CCDC33: variants seen among roughly 807,000 people sequenced by gnomAD.
The protein encoded by CCDC33 is coiled-coil domain-containing protein 33.
In CCDC33, 94 loss-of-function variants were observed where a neutral mutation model predicts 91.9. The ratio of observed to expected loss-of-function variants is 1.02; its 90% CI spans 0.87 to 1.21. The LOEUF is 1.21. Ranked by LOEUF, CCDC33 falls within the 50% of genes most tolerant of loss-of-function variation. CCDC33 has a pLI of 0.00. For missense variants in CCDC33, 940 were observed against 935.5 expected (o/e 1.00, Z -0.06); for synonymous variants, 396 against 374.5 (o/e 1.06, Z -0.66).
intron 5 of CCDC33, among the ~76,000 whole-genome samples, chr15:74,269,539 CA>C (rs1474879891): frequency 6.6e-6 from 1 of 152,176 alleles, no homozygotes; most frequent in Non-Finnish European, 1.5e-5. Flanking sequence ...GGACAGCCAG[CA>C]ATTCACACAC....
chr15:74,229,550 G>A (rs1275984248), intron 2 of CCDC33, among the ~76,000 whole-genome samples: 1 of 152,208 alleles, frequency 6.6e-6, no homozygotes, highest in Non-Finnish European at 1.5e-5. Context: ...TACCTCATAT[G>A]TCATTGTGAG....
intron 1 of CCDC33, among the ~76,000 whole-genome samples, chr15:74,205,264 G>A (rs1274850155): frequency 6.6e-6 from 1 of 152,198 alleles, no homozygotes; most frequent in Admixed American, 6.5e-5. Flanking sequence ...AGGAAAACCT[G>A]ACTCTGGGTA....
rs546364271 is a variant in CCDC33 at position 74,252,478 on chromosome 15, C to T, written c.185+8330C>T. Among the ~76,000 whole-genome samples the T allele has an allele frequency of 3.9e-5, 6 of 152,328 alleles. No individual in the cohort carries two copies. The South Asian group carries it at 8.3e-4, about 21-fold the overall frequency. ...CAGCCCTCACTTGCTGATGATGTTC[C>T]ACTCGAAGCTCACTGCGAGCTCGGC... On this transcript the variant is annotated intron_variant, in intron 2 of 18. Transcript: ENST00000398814.
chr15:74,284,658 A>T (rs1446228258), intron 10 of CCDC33, among the ~76,000 whole-genome samples: 2 of 152,096 alleles, frequency 1.3e-5, no homozygotes, highest in Non-Finnish European at 2.9e-5. Flanking sequence ...ACAGACAATA[A>T]AAAAATAATT....
At chr15:74,254,784 G>A (rs1595952696) in intron 2 of CCDC33, among the ~76,000 whole-genome samples, 2 of 111,504 alleles carry the variant, frequency 1.8e-5, no homozygotes, top group South Asian at 2.9e-4. Context: ...TTTCACTCTT[G>A]TCACCCAGGC....
intron 2 of CCDC33, among the ~76,000 whole-genome samples, chr15:74,257,359 TG>T (rs761791471): frequency 1.7e-4 from 26 of 152,146 alleles, no homozygotes; most frequent in Non-Finnish European, 3.2e-4. Context: ...TCAAGGCTGT[TG>T]TCTGGTGAAG....
intron 2 of CCDC33, among the ~76,000 whole-genome samples, chr15:74,229,408 G>A (rs1291379960): frequency 6.6e-6 from 1 of 152,134 alleles, no homozygotes; most frequent in African/African-American, 2.4e-5. Context: ...CGGGGGAATC[G>A]CTTGAACTTG....
intron 2 of CCDC33, among the ~76,000 whole-genome samples, chr15:74,251,966 C>T (rs921896773): frequency 5.9e-5 from 9 of 152,056 alleles, no homozygotes; most frequent in Non-Finnish European, 1.0e-4. Context: ...TAATCGCCAC[C>T]CAGTCCTATA....
intron 2 of CCDC33, among the ~76,000 whole-genome samples, chr15:74,250,171 G>A (rs576206907): frequency 1.4e-3 from 206 of 152,180 alleles, no homozygotes; most frequent in Non-Finnish European, 2.4e-3. Context: ...TTAGGCCACC[G>A]CACTATTTCT....
At chr15:74,314,408 C>T (rs372109294) in intron 11 of CCDC33, among the ~76,000 whole-genome samples, 1 of 152,238 alleles carries the variant, frequency 6.6e-6, no homozygotes, top group Non-Finnish European at 1.5e-5. Context: ...GTGCTCACCC[C>T]TCCCCTAGAG....
At position 74,272,893 on chromosome 15, in the gene CCDC33, T is replaced by C. The variant is rs2076358358; in HGVS notation, c.759+2T>C. 1 of 1,614,174 alleles carries C rather than the reference T, an allele frequency of 6.2e-7. No individual in the cohort carries two copies. On this transcript the variant is annotated splice_donor_variant, in intron 7 of 18. Transcript: ENST00000398814. LOFTEE classifies it high-confidence loss of function. ...GTCAGCCAGAACGGATGCCCTCAGG[T>C]ATGTCTCCTCCCCAGTGGTTCCAGC...
chr15:74,226,705 G>A (rs2074807981), intron 2 of CCDC33, among the ~76,000 whole-genome samples: 1 of 152,086 alleles, frequency 6.6e-6, no homozygotes, highest in African/African-American at 2.4e-5. Flanking sequence ...GCATGTGCCT[G>A]TAGTCCCAGC....
intron 1 of CCDC33, chr15:74,209,322 A>T: frequency 1.3e-6 from 2 of 1,494,606 alleles, no homozygotes; most frequent in Non-Finnish European, 1.8e-6. Flanking sequence ...GTTTCCCCAG[A>T]TGTGGCCTTA....
intron 2 of CCDC33, among the ~76,000 whole-genome samples, chr15:74,258,606 G>A (rs191944631): frequency 2.3e-4 from 35 of 152,232 alleles, no homozygotes; most frequent in African/African-American, 7.9e-4. Flanking sequence ...CTTTGTGCAC[G>A]TGCATGTGTG....
At chr15:74,311,247 C>G (rs1392374851) in intron 11 of CCDC33, among the ~76,000 whole-genome samples, 1 of 152,178 alleles carries the variant, frequency 6.6e-6, no homozygotes, top group Non-Finnish European at 1.5e-5. Context: ...GGCTCCTTCC[C>G]CCAGGGAGAG....
At chr15:74,221,943 G>A (rs1263992614) in intron 2 of CCDC33, among the ~76,000 whole-genome samples, 1 of 152,132 alleles carries the variant, frequency 6.6e-6, no homozygotes, top group Admixed American at 6.6e-5. Context: ...TCCTTCCCCG[G>A]GGTAAGGGGG....
At chr15:74,269,845 A>C (rs2076267913) in intron 5 of CCDC33, among the ~76,000 whole-genome samples, 1 of 152,174 alleles carries the variant, frequency 6.6e-6, no homozygotes, top group African/African-American at 2.4e-5. Flanking sequence ...AGGAGCAGGA[A>C]CTTCTGCTAC....
chr15:74,309,201 G>A (rs2059946532), intron 11 of CCDC33, among the ~76,000 whole-genome samples: 1 of 152,170 alleles, frequency 6.6e-6, no homozygotes, highest in Admixed American at 6.5e-5. Flanking sequence ...TCAGCCTGAT[G>A]GGCCCTGGGG....
At chr15:74,258,083 C>A (rs969197357) in intron 2 of CCDC33, among the ~76,000 whole-genome samples, 1 of 152,252 alleles carries the variant, frequency 6.6e-6, no homozygotes, top group Non-Finnish European at 1.5e-5. Flanking sequence ...AGTTCCCTCA[C>A]CTCCCTCTCA....
Sources: allele counts gnomAD v4.1 joint callset (sites outside exome capture counted in the v4.1 genomes callset), GRCh38; gene constraint gnomAD v4.1.1; transcripts MANE v1.5; gene names NCBI Gene and HGNC (gene_info 2026-07-23, HGNC 2026-07-21).